RFC3: variants seen among roughly 807,000 people sequenced by gnomAD.
The protein encoded by RFC3 is A1 38 kDa subunit.
A neutral mutation model predicts 45.1 loss-of-function variants in RFC3; 41 were observed. The ratio of observed to expected loss-of-function variants is 0.91; its 90% confidence interval spans 0.71 to 1.18. The LOEUF is 1.18. RFC3 is among the 50% of genes most tolerant of loss of function. The pLI is 0.00. For missense variants in RFC3, 423 were observed against 428.1 expected, an observed-to-expected ratio of 0.99 and a Z score of 0.10; for synonymous variants, 149 against 144.0, an observed-to-expected ratio of 1.03 and a Z score of -0.25.
intron 8 of RFC3, among the ~76,000 whole-genome samples, chr13:33,842,990 C>T (rs1357808861): frequency 6.6e-6 from 1 of 152,126 alleles, no homozygotes; most frequent in African/African-American, 2.4e-5. Context: ...CTGTTTTACA[C>T]TCTGAGATTT....
the RFC3 span, among the ~76,000 whole-genome samples, chr13:33,973,002 G>T: frequency 2.0e-5 from 3 of 152,106 alleles, no homozygotes; most frequent in Admixed American, 1.3e-4. Context: ...TATTCATTTA[G>T]TGCCTATTGT....
chr13:33,966,053 A>G, intron 8 of RFC3: 1 of 1,531,516 alleles, frequency 6.5e-7, no homozygotes. Context: ...GGTCTGTGAT[A>G]AACAATTGAT....
chr13:33,946,916 A>C (rs1336078174), intron 8 of RFC3, among the ~76,000 whole-genome samples: 1 of 152,200 alleles, frequency 6.6e-6, no homozygotes, highest in Non-Finnish European at 1.5e-5. Context: ...GTTTGTACAG[A>C]TCTTTTACAT....
intron 1 of RFC3, 31 bp from the exon 2 acceptor site, chr13:33,821,101 T>G (rs2081998485): frequency 6.2e-7 from 1 of 1,612,128 alleles, no homozygotes; most frequent in South Asian, 1.1e-5. Flanking sequence ...TCAGTTTGAC[T>G]AGGGAAAAAT....
chr13:33,881,055 CA>C (rs924793427), intron 8 of RFC3, among the ~76,000 whole-genome samples: 1 of 151,794 alleles, frequency 6.6e-6, no homozygotes, highest in African/African-American at 2.4e-5. Context: ...GACTCAGTCT[CA>C]AAAACAAACA....
chr13:33,835,658 C>T (rs1193120985), intron 8 of RFC3, among the ~76,000 whole-genome samples: 1 of 152,118 alleles, frequency 6.6e-6, no homozygotes, highest in African/African-American at 2.4e-5. Flanking sequence ...TCTCAGTTTT[C>T]CACACTTTAG....
chr13:33,872,563 GTC>G (rs2082417516), intron 8 of RFC3, among the ~76,000 whole-genome samples: 1 of 151,932 alleles, frequency 6.6e-6, no homozygotes, highest in Non-Finnish European at 1.5e-5. Context: ...GAGAAACCCC[GTC>G]TCTACTAAAA....
Position 33,836,570 on chromosome 13 carries a change from A to T in RFC3, c.*275A>T. On this transcript the variant is annotated 3_prime_UTR_variant, in exon 9 of 9. Coordinates refer to ENST00000380071, the MANE Select transcript of RFC3 (RefSeq NM_002915.4). ...TTGGTTATTCAAGTATTCATTGTTG[A>T]TCCTCCTATTCTCTTCCGTCTAATC... The T allele has an allele frequency of 8.9e-7, 1 of 1,121,764 alleles. No individual in the cohort carries two copies. 69.5% of individuals were successfully genotyped at this position (1,121,764 alleles called of 1,614,324 possible).
intron 8 of RFC3, among the ~76,000 whole-genome samples, chr13:33,886,888 G>A (rs368120859): frequency 0.016 from 2,378 of 147,906 alleles, 55 homozygotes; most frequent in African/African-American, 0.049. Flanking sequence ...TGCGGTGTTT[G>A]GTTTTTTGTT....
At chr13:33,929,187 G>A (rs2082836230) in intron 8 of RFC3, among the ~76,000 whole-genome samples, 1 of 152,104 alleles carries the variant, frequency 6.6e-6, no homozygotes, top group South Asian at 2.1e-4. Context: ...TCCCAGTCAT[G>A]AGGAAATTAT....
chr13:33,858,964 A>C (rs148197729), intron 8 of RFC3, among the ~76,000 whole-genome samples: 12 of 152,104 alleles, frequency 7.9e-5, no homozygotes, highest in Admixed American at 2.0e-4. Flanking sequence ...CACATCCTCA[A>C]ATGCTGAATG....
chr13:33,850,169 A>AT (rs1442082546), intron 8 of RFC3: 1 of 152,148 alleles, frequency 6.6e-6, no homozygotes, highest in Non-Finnish European at 1.5e-5. Context: ...TTACATAGGT[A>AT]TGCATTTTCC....
At chr13:33,938,876 C>G (rs1284333152) in intron 8 of RFC3, among the ~76,000 whole-genome samples, 1 of 152,180 alleles carries the variant, frequency 6.6e-6, no homozygotes, top group Non-Finnish European at 1.5e-5. Flanking sequence ...TACACTCCAA[C>G]TGGCAGTGTA....
chr13:33,932,793 A>G (rs535830607), intron 8 of RFC3, among the ~76,000 whole-genome samples: 2 of 152,310 alleles, frequency 1.3e-5, no homozygotes, highest in South Asian at 2.1e-4. Context: ...TGCAAAGTAT[A>G]TTGCCATATA....
chr13:33,864,114 A>G (rs2082358638), intron 8 of RFC3, among the ~76,000 whole-genome samples: 1 of 152,074 alleles, frequency 6.6e-6, no homozygotes, highest in African/African-American at 2.4e-5. Flanking sequence ...ATTGTGAGAG[A>G]GGGAGTGAGA....
At chr13:33,917,235 G>T (rs1169132026) in intron 8 of RFC3, among the ~76,000 whole-genome samples, 2 of 152,148 alleles carry the variant, frequency 1.3e-5, no homozygotes, top group Non-Finnish European at 2.9e-5. Context: ...TGTAGCCCTT[G>T]TGTAGGTAAG....
At chr13:33,910,488 A>G (rs2082697360) in intron 8 of RFC3, among the ~76,000 whole-genome samples, 1 of 152,116 alleles carries the variant, frequency 6.6e-6, no homozygotes, top group Admixed American at 6.6e-5. Context: ...AACCAACAAC[A>G]GAGAACAGTG....
the RFC3 span, among the ~76,000 whole-genome samples, chr13:33,972,900 CAA>C: frequency 1.3e-5 from 2 of 151,904 alleles, no homozygotes; most frequent in Non-Finnish European, 2.9e-5. Flanking sequence ...AGAAAAATGT[CAA>C]GAGGCTTTAT....
chr13:33,853,967 G>A (rs955662578), intron 8 of RFC3, among the ~76,000 whole-genome samples: 11 of 152,196 alleles, frequency 7.2e-5, no homozygotes, highest in African/African-American at 2.2e-4. Flanking sequence ...ATGTGACACA[G>A]TCATCACGGG....
Sources: gnomAD v4.1 joint callset for allele counts (sites outside exome capture counted in the v4.1 genomes callset) on GRCh38, gnomAD v4.1.1 for gene constraint, MANE v1.5 for transcripts, NCBI Gene and HGNC (gene_info 2026-07-23, HGNC 2026-07-21) for gene names.